The following GSG1L variants were observed in gnomAD, a reference collection of about 807,000 sequenced individuals.
GSG1L encodes the protein germ cell-specific gene 1-like protein.
Under a neutral mutation model 42.1 loss-of-function variants are expected in GSG1L, and 24 were observed. The observed-to-expected ratio is 0.57, with a 90% CI of 0.41 to 0.80. GSG1L has a LOEUF of 0.80. GSG1L is among the 30% of genes least tolerant of loss of function. The pLI, the probability that GSG1L is intolerant of heterozygous loss-of-function variation, is 0.00. For missense variants in GSG1L, 445 were observed against 472.2 expected, an observed-to-expected ratio of 0.94 and a Z score of 0.53; for synonymous variants, 215 against 203.5, an observed-to-expected ratio of 1.06 and a Z score of -0.48.
At chr16:27,971,406 CT>C (rs55654171) in intron 1 of GSG1L, among the ~76,000 whole-genome samples, 22,109 of 151,986 alleles carry the variant, frequency 0.15, 1,779 homozygotes, top group South Asian at 0.25. Context: ...ATTTTTGATG[CT>C]ATTATGAATG....
intron 4 of GSG1L, among the ~76,000 whole-genome samples, chr16:27,840,486 T>C (rs548240778): frequency 6.6e-6 from 1 of 151,990 alleles, no homozygotes; most frequent in South Asian, 2.1e-4. Context: ...TTGTCACAGG[T>C]AGGGAGAGCT....
At chr16:27,933,451 CA>C (rs1485303233) in intron 2 of GSG1L, among the ~76,000 whole-genome samples, 1 of 151,964 alleles carries the variant, frequency 6.6e-6, no homozygotes, top group African/African-American at 2.4e-5. Context: ...GTTTTGAGAC[CA>C]GCCAGGGCAA....
chr16:27,948,045 G>A (rs1055340524), intron 2 of GSG1L, among the ~76,000 whole-genome samples: 8 of 152,144 alleles, frequency 5.3e-5, no homozygotes, highest in African/African-American at 1.9e-4. Context: ...CTACCTGGCC[G>A]ACACTTACCT....
intron 3 of GSG1L, among the ~76,000 whole-genome samples, chr16:27,861,291 C>G (rs1446831821): frequency 6.6e-6 from 1 of 151,994 alleles, no homozygotes. Context: ...GCACGAGAAT[C>G]GTTTGAACCC....
intron 2 of GSG1L, among the ~76,000 whole-genome samples, chr16:27,948,754 C>T (rs1411031189): frequency 1.3e-5 from 2 of 151,302 alleles, no homozygotes; most frequent in Admixed American, 6.6e-5. Context: ...GGACTACAGG[C>T]GCCCGCCACC....
intron 2 of GSG1L, among the ~76,000 whole-genome samples, chr16:27,941,573 G>A (rs1431837526): frequency 2.4e-5 from 3 of 125,234 alleles, no homozygotes; most frequent in Non-Finnish European, 5.0e-5. Flanking sequence ...TCAGGAGGCT[G>A]AGGCAGGAGA....
intron 2 of GSG1L, among the ~76,000 whole-genome samples, chr16:27,958,637 G>GTGTA (rs2085033469): frequency 2.0e-5 from 3 of 151,986 alleles, no homozygotes; most frequent in African/African-American, 7.2e-5. Context: ...GTTTATAAGA[G>GTGTA]ACTTTCATCT....
intron 3 of GSG1L, among the ~76,000 whole-genome samples, chr16:27,851,722 G>A (rs555775000): frequency 3.5e-4 from 53 of 152,234 alleles, no homozygotes; most frequent in Non-Finnish European, 7.2e-4. Context: ...GTGAGCCCAG[G>A]CAGGGCAGCT....
intron 3 of GSG1L, among the ~76,000 whole-genome samples, chr16:27,851,524 C>A (rs933806877): frequency 6.6e-6 from 1 of 152,126 alleles, no homozygotes; most frequent in African/African-American, 2.4e-5. Flanking sequence ...GATTCACCCC[C>A]CTTCTCTCCA....
chr16:27,824,304 C>T (rs896869971), intron 5 of GSG1L, among the ~76,000 whole-genome samples: 10 of 152,362 alleles, frequency 6.6e-5, no homozygotes, highest in African/African-American at 1.9e-4. Context: ...CCCCAAATTA[C>T]ATAGCAGCAA....
intron 2 of GSG1L, among the ~76,000 whole-genome samples, chr16:27,942,586 T>C (rs2141084997): frequency 6.6e-6 from 1 of 152,260 alleles, no homozygotes; most frequent in Middle Eastern, 3.4e-3. Context: ...AAAGACAATC[T>C]AATAGAAACC....
chr16:28,030,503 A>G (rs2085945284), intron 1 of GSG1L, among the ~76,000 whole-genome samples: 1 of 152,200 alleles, frequency 6.6e-6, no homozygotes, highest in Admixed American at 6.5e-5. Context: ...CAGAAGGACA[A>G]TGGGAAGTTG....
chr16:27,986,375 C>T (rs1360384224), intron 1 of GSG1L, among the ~76,000 whole-genome samples: 2 of 151,894 alleles, frequency 1.3e-5, no homozygotes, highest in African/African-American at 2.4e-5. Flanking sequence ...TGGTGTGCAC[C>T]TGTAATCCCA....
chr16:28,006,971 C>T (rs1209484358), intron 1 of GSG1L, among the ~76,000 whole-genome samples: 3 of 152,162 alleles, frequency 2.0e-5, no homozygotes, highest in African/African-American at 2.4e-5. Context: ...GGGTTATCTG[C>T]GCCTGGTCAG....
chr16:27,853,395 A>G (rs1391188472), intron 3 of GSG1L, among the ~76,000 whole-genome samples: 2 of 152,206 alleles, frequency 1.3e-5, no homozygotes, highest in Non-Finnish European at 2.9e-5. Context: ...AGCATATTTC[A>G]GGGTTTAAAA....
chr16:27,913,102 T>C lies in GSG1L; in HGVS notation c.398-28464A>G, dbSNP rs150878159. The stretch of plus-strand genomic sequence containing the variant: ...CCTCCCAAAGTGCTGGGATTACAGG[T>C]GTAAGCCACCACGCCTGGCCAATGT... On this transcript the variant is annotated intron_variant, in intron 2 of 6. Coordinates refer to ENST00000447459, the MANE Select transcript of GSG1L (RefSeq NM_001109763.2). Among the ~76,000 whole-genome samples the C allele has an allele frequency of 2.1e-3, 327 of 152,098 alleles. 2 individuals carry two copies. Among genetic ancestry groups the C allele is most frequent in the African/African-American group, 7.4e-3 (306 of 41,486 alleles).
At position 27,887,319 on chromosome 16, in the gene GSG1L, C is replaced by T. The variant is rs142749475; in HGVS notation, c.398-2681G>A. Among the ~76,000 whole-genome samples, 47 of 152,260 alleles carry T rather than the reference C, an allele frequency of 3.1e-4. No individual in the cohort carries two copies. In the East Asian group the frequency reaches 8.3e-3, roughly 27 times the overall value. On this transcript the variant is annotated intron_variant, in intron 2 of 6. Coordinates refer to ENST00000447459, the MANE Select transcript of GSG1L (RefSeq NM_001109763.2). Reference sequence around the variant, plus strand: ...GATGTAAAGATGGAATTGACTGAATCACCAGACAGCAAGAGCCTTCCTGAG... The same window carrying T: ...GATGTAAAGATGGAATTGACTGAATTACCAGACAGCAAGAGCCTTCCTGAG...
intron 1 of GSG1L, among the ~76,000 whole-genome samples, chr16:27,995,463 C>T (rs1004988612): frequency 6.6e-6 from 1 of 152,112 alleles, no homozygotes; most frequent in Non-Finnish European, 1.5e-5. Context: ...CTGTAAAAAT[C>T]ATATAAGCAC....
chr16:27,849,954 G>A (rs2083489606), intron 3 of GSG1L, among the ~76,000 whole-genome samples: 1 of 148,842 alleles, frequency 6.7e-6, no homozygotes, highest in Non-Finnish European at 1.5e-5. Flanking sequence ...TTGCCAAGAT[G>A]AAGAAGATGA....
Sources: gnomAD v4.1 joint callset for allele counts (sites outside exome capture counted in the v4.1 genomes callset) on GRCh38, gnomAD v4.1.1 for gene constraint, MANE v1.5 for transcripts, NCBI Gene and HGNC (gene_info 2026-07-23, HGNC 2026-07-21) for gene names.